Variants in CUX1 observed in about 807,000 individuals in gnomAD.
The protein encoded by CUX1 is protein CASP.
In CUX1, 31 loss-of-function variants were observed where a neutral mutation model predicts 158.8. The observed-to-expected ratio is 0.20, with a 90% CI of 0.15 to 0.26. CUX1 has a LOEUF of 0.26. Among genes scored for constraint, CUX1 ranks in the 10% least tolerant of loss-of-function variants. The pLI, the probability that CUX1 is intolerant of heterozygous loss-of-function variation, is 1.00. For synonymous variants in CUX1, 879 were observed against 862.1 expected (o/e 1.02, Z -0.34); for missense variants, 1,589 against 2,014.6 (o/e 0.79, Z 4.04).
intron 2 of CUX1, among the ~76,000 whole-genome samples, chr7:101,952,286 T>C (rs551092004): frequency 2.6e-5 from 4 of 152,304 alleles, no homozygotes; most frequent in African/African-American, 9.6e-5. Flanking sequence ...CTCAGTAGAC[T>C]TGAGGATTGC....
chr7:101,923,895 T>G (rs1389440012), intron 2 of CUX1, among the ~76,000 whole-genome samples: 2 of 152,244 alleles, frequency 1.3e-5, no homozygotes, highest in Non-Finnish European at 2.9e-5. Context: ...AACATCTTCC[T>G]CTGCCCCTTC....
intron 4 of CUX1, among the ~76,000 whole-genome samples, chr7:102,090,477 T>C (rs1369509642): frequency 6.6e-6 from 1 of 151,712 alleles, no homozygotes; most frequent in African/African-American, 2.4e-5. Context: ...AAGCTCCACC[T>C]CCCAGGTTCA....
Position 102,201,844 on chromosome 7 carries a change from G to A in CUX1, c.2547G>A (p.Gly849=), listed in dbSNP as rs930574360. The part of the protein sequence containing the change: ...EEAKAEETGG[G]KEKGSGGSGG... The stretch of plus-strand genomic sequence containing the variant: ...CCAAGGCCGAAGAAACGGGCGGCGG[G>A]AAAGAGAAGGGCAGCGGTGGCAGCG... The change falls in exon 18 of 24, where the codon GGG becomes GGA. Residue 849 remains glycine (G), a synonymous_variant. Coordinates refer to ENST00000292535, the MANE Select transcript of CUX1 (RefSeq NM_181552.4). This position sits in a 1 kb window ranked among gnomAD's most constrained non-coding sequence, Gnocchi z 5.0. The A allele has an allele frequency of 2.5e-6, 4 of 1,613,332 alleles. No individual in the cohort carries two copies. The highest frequency in any genetic ancestry group is 3.4e-6 in the Non-Finnish European group (4 of 1,179,904).
intron 2 of CUX1, among the ~76,000 whole-genome samples, chr7:102,014,432 C>T (rs1818369653): frequency 6.6e-6 from 1 of 152,232 alleles, no homozygotes; most frequent in Admixed American, 6.5e-5. Flanking sequence ...GCTCTACGCT[C>T]TGCAGAGCCC....
intron 10 of CUX1, among the ~76,000 whole-genome samples, chr7:102,171,743 T>C (rs141058508): frequency 6.6e-6 from 1 of 152,060 alleles, no homozygotes; most frequent in African/African-American, 2.4e-5. Flanking sequence ...CCACCACGCC[T>C]AGCCTGATCC....
At chr7:101,943,078 C>CTTTTTTTTTTTTTTTTTTTTTTGT (rs1807906626) in intron 2 of CUX1, among the ~76,000 whole-genome samples, 1 of 80,332 alleles carries the variant, frequency 1.2e-5, no homozygotes, top group Non-Finnish European at 2.3e-5. Context: ...CTGGTCAGTG[C>CTTTTTTTTTTTTTTTTTTTTTTGT]TTTTTTTTTT....
intron 3 of CUX1, among the ~76,000 whole-genome samples, chr7:102,034,490 C>CA (rs1392990435): frequency 6.6e-6 from 1 of 152,074 alleles, no homozygotes; most frequent in Non-Finnish European, 1.5e-5. Context: ...CACTGTGGCT[C>CA]ACACCTGTAA....
At chr7:102,013,358 C>T (rs1818250096) in intron 2 of CUX1, among the ~76,000 whole-genome samples, 2 of 152,196 alleles carry the variant, frequency 1.3e-5, no homozygotes, top group South Asian at 4.1e-4. Context: ...TTCTATGATT[C>T]ATCTACCAGG....
At position 101,851,827 on chromosome 7, in the gene CUX1, C is replaced by G. The variant is rs1028327131; in HGVS notation, c.30+34158C>G. Among the ~76,000 whole-genome samples, 4 of 54,668 alleles carry G rather than the reference C, an allele frequency of 7.3e-5. No homozygotes were observed. The East Asian group carries it at 1.1e-3, about 15-fold the overall frequency. The allele number at this position is 54,668 out of a possible 152,430, so 35.9% of individuals were successfully genotyped here. On this transcript the variant is annotated intron_variant, in intron 1 of 23. Coordinates refer to ENST00000292535, the MANE Select transcript of CUX1 (RefSeq NM_181552.4). The stretch of plus-strand genomic sequence containing the variant: ...CTTACTTTTCATTTGTCTTTCTTCT[C>G]TCTTTTTTTTTTTTCTTTTGAGACA...
intron 1 of CUX1, among the ~76,000 whole-genome samples, chr7:101,853,655 G>A (rs561362454): frequency 4.6e-5 from 7 of 150,762 alleles, no homozygotes; most frequent in East Asian, 1.9e-4. Context: ...GGCCCCCACC[G>A]TAAGTAATTA....
intron 20 of CUX1, among the ~76,000 whole-genome samples, chr7:102,218,492 T>C (rs1274242839): frequency 6.6e-6 from 1 of 152,176 alleles, no homozygotes; most frequent in Non-Finnish European, 1.5e-5. Context: ...AAGACCAGCC[T>C]GGGCAACATA....
At chr7:102,187,604 G>A (rs1464477580) in intron 11 of CUX1, among the ~76,000 whole-genome samples, 13 of 151,802 alleles carry the variant, frequency 8.6e-5, no homozygotes, top group African/African-American at 2.2e-4. Flanking sequence ...ATTCCCAGCC[G>A]GCTCCTATTC....
chr7:102,154,886 C>T (rs1836096382), intron 8 of CUX1, among the ~76,000 whole-genome samples: 1 of 152,202 alleles, frequency 6.6e-6, no homozygotes, highest in Non-Finnish European at 1.5e-5. Flanking sequence ...GACCCACATT[C>T]AGTGTCTCTT....
chr7:102,279,213 C>T (rs1032660806), intron 18 of CUX1, among the ~76,000 whole-genome samples: 4 of 151,898 alleles, frequency 2.6e-5, no homozygotes, highest in Non-Finnish European at 5.9e-5. Flanking sequence ...TGGTGTCATG[C>T]ACCTGTAATC....
chr7:101,878,006 T>C (rs1799336605), intron 1 of CUX1, among the ~76,000 whole-genome samples: 2 of 152,054 alleles, frequency 1.3e-5, no homozygotes, highest in African/African-American at 4.8e-5. Flanking sequence ...GACTTAAGTG[T>C]TTGTGAATTT....
chr7:102,002,773 C>G (rs897355616), intron 2 of CUX1, among the ~76,000 whole-genome samples: 3 of 152,294 alleles, frequency 2.0e-5, no homozygotes, highest in African/African-American at 4.8e-5. Context: ...CTGGGCCGCC[C>G]TGCCACCTCC....
At chr7:102,186,083 C>T (rs972666518) in intron 11 of CUX1, among the ~76,000 whole-genome samples, 6 of 152,152 alleles carry the variant, frequency 3.9e-5, no homozygotes, top group Admixed American at 6.5e-5. Flanking sequence ...TCAGAGTCTT[C>T]GAAACCAGGC....
At chr7:101,924,964 T>C (rs1272963797) in intron 2 of CUX1, among the ~76,000 whole-genome samples, 2 of 152,146 alleles carry the variant, frequency 1.3e-5, no homozygotes, top group Non-Finnish European at 2.9e-5. Context: ...TCAACTCTTC[T>C]CTGTTATCAA....
chr7:102,093,460 T>G (rs983876366), intron 4 of CUX1, among the ~76,000 whole-genome samples: 1 of 152,282 alleles, frequency 6.6e-6, no homozygotes, highest in Non-Finnish European at 1.5e-5. Flanking sequence ...GTGCTGAGAT[T>G]ACAGGTGTGA....
Sources: gnomAD v4.1 joint callset for allele counts (sites outside exome capture counted in the v4.1 genomes callset) on GRCh38, gnomAD v4.1.1 for gene constraint, Gnocchi (gnomAD v3.1) non-coding constraint, MANE v1.5 for transcripts, NCBI Gene and HGNC (gene_info 2026-07-23, HGNC 2026-07-21) for gene names.